The following GALNT13 variants were observed in gnomAD, a reference collection of about 807,000 sequenced individuals.
GALNT13 encodes UDP-GalNAc:polypeptide N-acetylgalactosaminyltransferase 13.
Under a neutral mutation model 64.2 loss-of-function variants are expected in GALNT13, and 28 were observed. The ratio of observed to expected loss-of-function variants is 0.44; its 90% CI spans 0.32 to 0.60. The LOEUF is 0.60. GALNT13 is among the 20% of genes least tolerant of loss of function. GALNT13 has a pLI of 0.05. For missense variants in GALNT13, 577 were observed against 669.8 expected (o/e 0.86, Z 1.53); for synonymous variants, 214 against 224.6 (o/e 0.95, Z 0.42).
At chr2:154,243,086 A>G (rs937592282) in intron 6 of GALNT13, among the ~76,000 whole-genome samples, 181 bp downstream of exon 6, 16 of 152,170 alleles carry the variant, frequency 1.1e-4, no homozygotes, top group Admixed American at 9.8e-4. Flanking sequence ...TGCTGGACAT[A>G]GATAGTTGAT....
intron 3 of GALNT13, among the ~76,000 whole-genome samples, chr2:154,016,881 ATC>A (rs773966510): frequency 9.2e-5 from 14 of 152,204 alleles, no homozygotes; most frequent in Non-Finnish European, 1.9e-4. Flanking sequence ...AGAAAGAGTG[ATC>A]GGTCAAGGGA....
At chr2:153,445,734 A>G in the GALNT13 span, among the ~76,000 whole-genome samples, 1 of 152,142 alleles carries the variant, frequency 6.6e-6, no homozygotes, top group Non-Finnish European at 1.5e-5. Flanking sequence ...TTTCTCATAT[A>G]TATCAATCAT....
the GALNT13 span, among the ~76,000 whole-genome samples, chr2:153,151,397 T>A: frequency 6.6e-6 from 1 of 152,116 alleles, no homozygotes; most frequent in African/African-American, 2.4e-5. Context: ...GTAAACTAGT[T>A]CAGCCATTGT....
chr2:153,254,990 T>C, the GALNT13 span, among the ~76,000 whole-genome samples: 1 of 151,928 alleles, frequency 6.6e-6, no homozygotes, highest in Non-Finnish European at 1.5e-5. Context: ...TAGGTCCACT[T>C]GGTGCAGAGC....
chr2:153,666,411 A>C, the GALNT13 span, among the ~76,000 whole-genome samples: 145 of 151,682 alleles, frequency 9.6e-4, no homozygotes, highest in Non-Finnish European at 1.8e-3. Context: ...CATGCATAAG[A>C]GTGGACCCAG....
chr2:153,166,621 ATG>A, the GALNT13 span, among the ~76,000 whole-genome samples: 10,202 of 122,418 alleles, frequency 0.083, 366 homozygotes, highest in South Asian at 0.1. Context: ...TGCCTACTGC[ATG>A]TGTGTGTGTG....
intron 4 of GALNT13, among the ~76,000 whole-genome samples, chr2:154,145,038 A>G (rs1683484630): frequency 7.9e-6 from 1 of 126,894 alleles, no homozygotes; most frequent in South Asian, 2.6e-4. Flanking sequence ...TTCCTGGGAT[A>G]TTTATGTAGT....
chr2:154,331,886 GT>G (rs1326252390), intron 9 of GALNT13, among the ~76,000 whole-genome samples: 1 of 151,894 alleles, frequency 6.6e-6, no homozygotes, highest in East Asian at 1.9e-4. Context: ...TGTGTTATTT[GT>G]GAAAGACACA....
rs1247971774 is a variant in GALNT13 at position 153,944,290 on chromosome 2, T to C, written c.-104-104T>C. 40 of 462,400 alleles carry C rather than the reference T, an allele frequency of 8.7e-5. No homozygotes were observed. In the East Asian group the frequency reaches 1.3e-3, roughly 15 times the overall value. 28.6% of individuals were successfully genotyped at this position (462,400 alleles called of 1,614,324 possible). On this transcript the variant is annotated intron_variant, in intron 2 of 12. Transcript: ENST00000392825. ...TTGGATTCGAAGGCTTGAGTACTGA[T>C]ATATTTGAGAACATTAAATAAGTCA...
chr2:154,245,874 G>C lies in GALNT13; in HGVS notation c.749G>C (p.Gly250Ala), dbSNP rs776632923. 2 of 1,611,986 alleles carry C rather than the reference G, an allele frequency of 1.2e-6. No homozygotes were observed. Reference protein sequence around the residue: ...ISDDTFEYMAGSDMTYGGFNW... With the variant: ...ISDDTFEYMAASDMTYGGFNW... ...GATGATACTTTTGAATATATGGCTG[G>C]GTCAGACATGACTTATGGGGGTTTT... is the stretch of plus-strand genomic sequence containing the variant. Residue 250 changes from glycine (G) to alanine (A), a missense_variant, in exon 7 of 13, where the codon GGG becomes GCG. By Grantham distance (60) the Gly-to-Ala change is moderately conservative. Coordinates refer to ENST00000392825, the MANE Select transcript of GALNT13 (RefSeq NM_052917.4).
intron 12 of GALNT13, chr2:154,446,831 G>A (rs1701605849): frequency 6.4e-6 from 9 of 1,402,968 alleles, no homozygotes; most frequent in Non-Finnish European, 8.4e-6. Flanking sequence ...TTGAAATCTG[G>A]AAACTCCTTT....
intron 9 of GALNT13, among the ~76,000 whole-genome samples, chr2:154,340,186 A>G (rs140048744): frequency 7.7e-4 from 117 of 152,190 alleles, no homozygotes; most frequent in African/African-American, 2.6e-3. Context: ...TGGTCAAAAT[A>G]TGTTTCCCTC....
At chr2:154,332,580 G>A (rs1338390333) in intron 9 of GALNT13, among the ~76,000 whole-genome samples, 1 of 152,030 alleles carries the variant, frequency 6.6e-6, no homozygotes, top group African/African-American at 2.4e-5. Flanking sequence ...CACAAGTTGA[G>A]GAACCTCTTT....
chr2:154,260,618 C>G (rs1307359439), intron 8 of GALNT13, among the ~76,000 whole-genome samples: 1 of 152,118 alleles, frequency 6.6e-6, no homozygotes, highest in Non-Finnish European at 1.5e-5. Flanking sequence ...TATCTTCTTG[C>G]CTTCAGGTCC....
intron 3 of GALNT13, among the ~76,000 whole-genome samples, chr2:154,043,921 G>C (rs1699146732): frequency 6.6e-6 from 1 of 151,854 alleles, no homozygotes; most frequent in Admixed American, 6.6e-5. Flanking sequence ...TCAAAAATTA[G>C]CTGGGTGTGG....
Position 154,241,086 on chromosome 2 carries a change from A to C in GALNT13, c.312-944A>C, listed in dbSNP as rs758008372. On this transcript the variant is annotated intron_variant, in intron 4 of 12. Coordinates refer to ENST00000392825, the MANE Select transcript of GALNT13 (RefSeq NM_052917.4). ...CGCTGACTTGCTCCTCTCCACACCC[A>C]GCTGTCTGTTTCATCCAGCTGTCTG... 5.8e-4 allele frequency among the ~76,000 whole-genome samples: 88 copies of C among 151,796 alleles called. 1 individual carries two copies. The highest frequency in any genetic ancestry group is 7.4e-4 in the Non-Finnish European group (50 of 67,928).
chr2:154,032,282 T>A (rs1021002134), intron 3 of GALNT13, among the ~76,000 whole-genome samples: 13 of 152,232 alleles, frequency 8.5e-5, no homozygotes, highest in South Asian at 2.1e-4. Context: ...TAGTCCTGTT[T>A]GTATTTAAAA....
the GALNT13 span, among the ~76,000 whole-genome samples, chr2:153,724,530 G>A: frequency 9.4e-6 from 1 of 106,836 alleles, no homozygotes; most frequent in African/African-American, 4.9e-5. Context: ...CCTACAACAT[G>A]GGAGAAAATT....
At chr2:153,438,251 C>T in the GALNT13 span, among the ~76,000 whole-genome samples, 2 of 152,132 alleles carry the variant, frequency 1.3e-5, no homozygotes, top group Non-Finnish European at 2.9e-5. Flanking sequence ...CTCTGGCTGT[C>T]CTTAACATTT....
Sources: gnomAD v4.1 joint callset for allele counts (sites outside exome capture counted in the v4.1 genomes callset) on GRCh38, gnomAD v4.1.1 for gene constraint, MANE v1.5 for transcripts, NCBI Gene and HGNC (gene_info 2026-07-23, HGNC 2026-07-21) for gene names.